The following AUTS2 variants were observed in gnomAD, a reference collection of about 807,000 sequenced individuals.
AUTS2 encodes the protein autism susceptibility gene 2 protein.
In AUTS2, 17 loss-of-function variants were observed where a neutral mutation model predicts 112.4. The ratio of observed to expected loss-of-function variants is 0.15; its 90% CI spans 0.10 to 0.23. The LOEUF (loss-of-function observed/expected upper bound fraction) is 0.23, where lower values mean the gene tolerates loss of function less well. Ranked by LOEUF, AUTS2 falls within the 10% of genes least tolerant of loss-of-function variation. AUTS2 has a pLI of 1.00. For synonymous variants in AUTS2, 751 were observed against 702.7 expected (o/e 1.07, Z -1.09); for missense variants, 1,510 against 1,701.6 (o/e 0.89, Z 1.98).
At chr7:70,586,353 T>G (rs1024039166) in intron 5 of AUTS2, among the ~76,000 whole-genome samples, 1 of 152,200 alleles carries the variant, frequency 6.6e-6, no homozygotes, top group Non-Finnish European at 1.5e-5. Context: ...CTTACATGTA[T>G]TCTTATGTTA....
intron 5 of AUTS2, among the ~76,000 whole-genome samples, chr7:70,590,268 G>A (rs574430849): frequency 6.1e-4 from 93 of 152,240 alleles, no homozygotes; most frequent in African/African-American, 2.2e-3. Flanking sequence ...GACAACCTGC[G>A]AGGAGAGAAT....
intron 6 of AUTS2, among the ~76,000 whole-genome samples, chr7:70,751,707 G>A (rs991841826): frequency 3.3e-5 from 5 of 152,018 alleles, no homozygotes; most frequent in Non-Finnish European, 5.9e-5. Flanking sequence ...CAGAAGTACC[G>A]TGTTTAAGTA....
chr7:70,771,657 A>C lies in AUTS2; in HGVS notation c.1830+13A>C. ...ATTTCAGCCGAAGGTAAGAAACCTCACAGTGAAAACACACAGGCATGTGTC... is the reference window on the plus strand; with the variant it reads ...ATTTCAGCCGAAGGTAAGAAACCTCCCAGTGAAAACACACAGGCATGTGTC... On this transcript the variant is annotated intron_variant, in intron 11 of 18. Transcript: ENST00000342771. 1 of 1,609,174 alleles carries C rather than the reference A, an allele frequency of 6.2e-7. No individual in the cohort carries two copies. The highest frequency in any genetic ancestry group is 8.5e-7 in the Non-Finnish European group (1 of 1,175,718).
At chr7:70,535,313 C>A (rs1047224935) in intron 5 of AUTS2, among the ~76,000 whole-genome samples, 1 of 152,086 alleles carries the variant, frequency 6.6e-6, no homozygotes, top group Non-Finnish European at 1.5e-5. Flanking sequence ...TACCAAAGAA[C>A]AAGACATATA....
chr7:70,421,218 A>G lies in AUTS2; in HGVS notation c.661-14534A>G, dbSNP rs990903575. On this transcript the variant is annotated intron_variant, in intron 4 of 18. Transcript: ENST00000342771. Reference sequence around the variant, plus strand: ...CTGAACCTTAAAGGTGCCTTTTAACATAATTTTTTAGTAAAACAAAAAAAG... The same window carrying G: ...CTGAACCTTAAAGGTGCCTTTTAACGTAATTTTTTAGTAAAACAAAAAAAG... 5.3e-5 allele frequency among the ~76,000 whole-genome samples: 8 copies of G among 152,294 alleles called. No homozygotes were observed. In the East Asian group the frequency reaches 1.5e-3, roughly 29 times the overall value.
rs763594638 is a variant in AUTS2 at position 69,640,920 on chromosome 7, A to AT, written c.309+40966dup. 1.1e-4 allele frequency among the ~76,000 whole-genome samples: 16 copies of AT among 152,144 alleles called. No individual in the cohort carries two copies. In the East Asian group the frequency reaches 1.5e-3, roughly 15 times the overall value. On this transcript the variant is annotated intron_variant, in intron 1 of 18. Coordinates refer to ENST00000342771, the MANE Select transcript of AUTS2 (RefSeq NM_015570.4). Reference sequence around the variant, plus strand: ...GTGTGAAACTGTGGTAGACTTGTAGATTTTTTTTCTTTTAAAAATGACTAT... The same window carrying AT: ...GTGTGAAACTGTGGTAGACTTGTAGATTTTTTTTTCTTTTAAAAATGACTAT...
intron 7 of AUTS2, among the ~76,000 whole-genome samples, chr7:70,764,351 C>T (rs1030861547): frequency 6.6e-6 from 1 of 152,184 alleles, no homozygotes; most frequent in African/African-American, 2.4e-5. Flanking sequence ...GGGGGGAACT[C>T]AGATCATCGC....
intron 4 of AUTS2, among the ~76,000 whole-genome samples, chr7:70,217,621 A>G (rs773470594): frequency 1.5e-4 from 23 of 152,140 alleles, no homozygotes; most frequent in Non-Finnish European, 3.1e-4. Context: ...GGTCGACATG[A>G]GGTAAAGGTT....
intron 2 of AUTS2, among the ~76,000 whole-genome samples, chr7:69,910,579 C>A (rs1795313549): frequency 6.6e-6 from 1 of 152,168 alleles, no homozygotes; most frequent in South Asian, 2.1e-4. Flanking sequence ...TGGATGGTGG[C>A]AGGCAAATAG....
At chr7:69,703,610 A>G (rs565435704) in intron 1 of AUTS2, among the ~76,000 whole-genome samples, 1 of 152,352 alleles carries the variant, frequency 6.6e-6, no homozygotes, top group East Asian at 1.9e-4. Flanking sequence ...GAAGAGTCAG[A>G]GGAAGCTGTT....
intron 5 of AUTS2, among the ~76,000 whole-genome samples, chr7:70,695,602 T>C (rs1270936480): frequency 2.6e-5 from 4 of 152,226 alleles, no homozygotes; most frequent in Non-Finnish European, 2.9e-5. Flanking sequence ...GGGGTCTGCG[T>C]CCGAAGGGAG....
intron 5 of AUTS2, among the ~76,000 whole-genome samples, chr7:70,634,630 G>A (rs1172942505): frequency 1.3e-5 from 2 of 152,128 alleles, no homozygotes; most frequent in African/African-American, 2.4e-5. Flanking sequence ...TGTCAAGGGC[G>A]ATAACCACGA....
At chr7:69,946,459 C>G (rs1188504350) in intron 2 of AUTS2, among the ~76,000 whole-genome samples, 1 of 152,026 alleles carries the variant, frequency 6.6e-6, no homozygotes. Context: ...GCTATCTGCA[C>G]TACCATGTTC....
intron 4 of AUTS2, among the ~76,000 whole-genome samples, chr7:70,259,032 C>T (rs1787027817): frequency 6.6e-6 from 1 of 152,152 alleles, no homozygotes; most frequent in Non-Finnish European, 1.5e-5. Context: ...CCTTCAGGAA[C>T]TCACTTTGAC....
intron 5 of AUTS2, among the ~76,000 whole-genome samples, chr7:70,463,190 C>T (rs1159964448): frequency 6.6e-6 from 1 of 152,198 alleles, no homozygotes; most frequent in African/African-American, 2.4e-5. Context: ...TTGGAGCTCT[C>T]CAGCCACAAT....
At chr7:70,454,885 C>T (rs1036593749) in intron 5 of AUTS2, among the ~76,000 whole-genome samples, 1 of 152,188 alleles carries the variant, frequency 6.6e-6, no homozygotes, top group Non-Finnish European at 1.5e-5. Context: ...AGATGAAATG[C>T]AGGCCTCGGG....
chr7:70,768,122 G>C, intron 10 of AUTS2, 54 bp downstream of exon 10: 1 of 1,528,166 alleles, frequency 6.5e-7, no homozygotes, highest in East Asian at 2.4e-5. Context: ...CCATTTTTGT[G>C]CTCTTGCCAC....
At chr7:70,608,392 A>G (rs951124126) in intron 5 of AUTS2, among the ~76,000 whole-genome samples, 5 of 152,316 alleles carry the variant, frequency 3.3e-5, no homozygotes, top group Admixed American at 2.0e-4. Context: ...GGTGTGAGTC[A>G]CTGCATCCAG....
chr7:70,232,298 A>G (rs572181327), intron 4 of AUTS2, among the ~76,000 whole-genome samples: 1 of 152,264 alleles, frequency 6.6e-6, no homozygotes, highest in East Asian at 1.9e-4. Flanking sequence ...TGTGGCTATT[A>G]TTAATGAAGC....
Sources: allele counts gnomAD v4.1 joint callset (sites outside exome capture counted in the v4.1 genomes callset), GRCh38; gene constraint gnomAD v4.1.1; transcripts MANE v1.5; gene names NCBI Gene and HGNC (gene_info 2026-07-23, HGNC 2026-07-21).